DPRX: variants seen among roughly 807,000 people sequenced by gnomAD.
DPRX encodes divergent paired-related homeobox.
Under a neutral mutation model 8.4 loss-of-function variants are expected in DPRX, and 11 were observed. That is an observed-to-expected ratio of 1.31 (90% CI 0.82 to 2.17). DPRX has a LOEUF of 2.17. Ranked by LOEUF, DPRX falls within the 30% of genes most tolerant of loss-of-function variation. The pLI is 0.00. For synonymous variants in DPRX, 72 were observed against 87.0 expected (o/e 0.83, Z 0.96); for missense variants, 211 against 236.7 (o/e 0.89, Z 0.71).
the DPRX span, among the ~76,000 whole-genome samples, chr19:53,624,915 G>A: frequency 7.9e-5 from 12 of 151,798 alleles, no homozygotes; most frequent in African/African-American, 2.7e-4. Context: ...CGTGTTCCCG[G>A]TGGTATGGTC....
At chr19:53,612,036 A>T in the DPRX span, among the ~76,000 whole-genome samples, 1 of 151,534 alleles carries the variant, frequency 6.6e-6, no homozygotes, top group Non-Finnish European at 1.5e-5. Flanking sequence ...GTGAGCCGAG[A>T]TCGTGCCACT....
At chr19:53,632,014 G>A (rs2091094474), upstream of DPRX, 4 of 1,566,376 alleles carry the variant, frequency 2.6e-6, no homozygotes, top group East Asian at 2.3e-5. Flanking sequence ...TGGGAGTCGG[G>A]TGTGGCTGTG....
the DPRX span, among the ~76,000 whole-genome samples, chr19:53,607,517 C>T: frequency 6.6e-6 from 1 of 152,094 alleles, no homozygotes; most frequent in South Asian, 2.1e-4. Context: ...TGCACTCCAG[C>T]CTGAGGGACA....
At chr19:53,632,695 C>T (rs1057095967) in intron 1 of DPRX, among the ~76,000 whole-genome samples, 4 of 152,086 alleles carry the variant, frequency 2.6e-5, no homozygotes, top group Non-Finnish European at 5.9e-5. Flanking sequence ...TGGCTGGCCT[C>T]GGCCTCCCAA....
At chr19:53,624,839 A>AAG in the DPRX span, among the ~76,000 whole-genome samples, 1 of 144,092 alleles carries the variant, frequency 6.9e-6, no homozygotes, top group East Asian at 2.0e-4. Context: ...CAAAAAAAAA[A>AAG]AAAAAGAAAG....
At chr19:53,621,760 G>A in the DPRX span, among the ~76,000 whole-genome samples, 4 of 151,930 alleles carry the variant, frequency 2.6e-5, no homozygotes, top group Admixed American at 2.6e-4. Context: ...CTCCACCCTG[G>A]GAAACAGAGC....
chr19:53,615,702 A>AT, the DPRX span, among the ~76,000 whole-genome samples: 1 of 151,904 alleles, frequency 6.6e-6, no homozygotes, highest in Non-Finnish European at 1.5e-5. Context: ...ATTTTTATTT[A>AT]TTTTTTTACT....
the DPRX span, among the ~76,000 whole-genome samples, chr19:53,601,769 A>G: frequency 1.3e-5 from 2 of 152,036 alleles, no homozygotes; most frequent in South Asian, 2.1e-4. Flanking sequence ...GGTGTGAGCC[A>G]CCTCACCTGG....
upstream of DPRX, chr19:53,632,030 A>C: frequency 6.3e-7 from 1 of 1,599,894 alleles, no homozygotes; most frequent in Non-Finnish European, 8.6e-7. Flanking sequence ...CTGTGGAGGA[A>C]GCTACTTAAA....
At chr19:53,610,687 G>T in the DPRX span, among the ~76,000 whole-genome samples, 3 of 152,208 alleles carry the variant, frequency 2.0e-5, no homozygotes, top group Non-Finnish European at 4.4e-5. Context: ...GGCTTTGAAT[G>T]TGGTCCCACA....
chr19:53,616,370 A>G, the DPRX span, among the ~76,000 whole-genome samples: 2 of 152,186 alleles, frequency 1.3e-5, no homozygotes, highest in Non-Finnish European at 2.9e-5. Context: ...ACAACCCACT[A>G]GAATTAATCT....
the DPRX span, chr19:53,616,874 G>A: frequency 1.3e-6 from 2 of 1,575,016 alleles, no homozygotes; most frequent in Non-Finnish European, 1.7e-6. Flanking sequence ...AAGCCGCCCT[G>A]GCTGCACATG....
the DPRX span, among the ~76,000 whole-genome samples, chr19:53,622,172 A>C: frequency 6.6e-6 from 1 of 152,182 alleles, no homozygotes; most frequent in African/African-American, 2.4e-5. Flanking sequence ...AAACATGCTA[A>C]TCAGATCTCA....
the DPRX span, chr19:53,603,645 T>A: frequency 4.1e-6 from 1 of 244,228 alleles, no homozygotes; most frequent in Non-Finnish European, 8.6e-6. Flanking sequence ...GTATCTGAGG[T>A]TTCATCTACC....
the DPRX span, among the ~76,000 whole-genome samples, chr19:53,612,542 A>G: frequency 7.9e-5 from 12 of 152,006 alleles, no homozygotes; most frequent in South Asian, 2.3e-3. Context: ...CCTCGTCTCT[A>G]TGAAAAATAC....
At chr19:53,618,313 A>C in the DPRX span, among the ~76,000 whole-genome samples, 1 of 152,104 alleles carries the variant, frequency 6.6e-6, no homozygotes, top group Non-Finnish European at 1.5e-5. Flanking sequence ...TGAGCTGAGA[A>C]CTCTGGACAG....
At chr19:53,620,873 C>T in the DPRX span, among the ~76,000 whole-genome samples, 26 of 152,186 alleles carry the variant, frequency 1.7e-4, no homozygotes, top group African/African-American at 5.3e-4. Context: ...GGATTACAGG[C>T]GTGGGCCACC....
the DPRX span, chr19:53,606,577 AC>A: frequency 6.6e-6 from 1 of 152,610 alleles, no homozygotes; most frequent in Non-Finnish European, 1.5e-5. This position sits in a 1 kb window ranked among gnomAD's most constrained non-coding sequence, Gnocchi z 4.8. Flanking sequence ...CCGCTGAGAC[AC>A]CAAAATAGGC....
chr19:53,631,567 T>C (rs1205748508), upstream of DPRX, among the ~76,000 whole-genome samples: 1 of 151,998 alleles, frequency 6.6e-6, no homozygotes, highest in African/African-American at 2.4e-5. Flanking sequence ...AAGACCAGCC[T>C]GGCCAACATG....
Sources: allele counts gnomAD v4.1 joint callset (sites outside exome capture counted in the v4.1 genomes callset), GRCh38; gene constraint gnomAD v4.1.1; non-coding constraint Gnocchi (gnomAD v3.1); transcripts MANE v1.5; gene names NCBI Gene and HGNC (gene_info 2026-07-23, HGNC 2026-07-21).